Variants in TPST1 observed in about 807,000 individuals in gnomAD.
The protein encoded by TPST1 is protein-tyrosine sulfotransferase 1.
A neutral mutation model predicts 34.8 loss-of-function variants in TPST1; 20 were observed. The observed-to-expected ratio is 0.57, with a 90% CI of 0.40 to 0.84. The LOEUF is 0.84. Among genes scored for constraint, TPST1 ranks in the 40% least tolerant of loss-of-function variants. The probability of loss-of-function intolerance (pLI) is 0.00; values close to 1 mark genes in which losing one functional copy is unlikely to be tolerated. For synonymous variants in TPST1, 152 were observed against 159.4 expected (o/e 0.95, Z 0.35); for missense variants, 353 against 455.5 (o/e 0.78, Z 2.05).
chr7:66,264,523 A>G (rs1283887062), intron 2 of TPST1, among the ~76,000 whole-genome samples: 2 of 152,202 alleles, frequency 1.3e-5, no homozygotes, highest in Non-Finnish European at 2.9e-5. Context: ...TTTGGTTCCA[A>G]GCATTTAAGG....
In TPST1 at chr7:66,318,471, AT is replaced by A. The variant is rs779603624; in HGVS notation, c.1044+31777del. Among the ~76,000 whole-genome samples, 975 of 143,002 alleles carry A rather than the reference AT, an allele frequency of 6.8e-3. 1 individual carries two copies. Among genetic ancestry groups the A allele is most frequent in the East Asian group, 9.7e-3 (48 of 4,948 alleles). The allele number at this position is 143,002 out of a possible 152,430, so 93.8% of individuals were successfully genotyped here. ...TTTTCCCCCAAGTACATTCTTCAGA[AT>A]TTTTTTTTTTTTTTAGACGAAGTCT... On this transcript the variant is annotated intron_variant, in intron 3 of 5. Transcript: ENST00000304842.
intron 3 of TPST1, among the ~76,000 whole-genome samples, chr7:66,322,599 T>A (rs1791779440): frequency 6.6e-6 from 1 of 152,236 alleles, no homozygotes; most frequent in South Asian, 2.1e-4. Context: ...TTTCATTGTA[T>A]GTCTGTACCA....
intron 2 of TPST1, among the ~76,000 whole-genome samples, chr7:66,282,470 A>C (rs1366328680): frequency 6.6e-6 from 1 of 152,212 alleles, no homozygotes; most frequent in Non-Finnish European, 1.5e-5. Flanking sequence ...AGATTGGAGC[A>C]ATAGTTGTCA....
chr7:66,325,108 A>T (rs1284699889), intron 3 of TPST1, among the ~76,000 whole-genome samples: 1 of 152,154 alleles, frequency 6.6e-6, no homozygotes, highest in Non-Finnish European at 1.5e-5. Context: ...GGAAACTTAA[A>T]ATCATAGTAG....
chr7:66,278,271 T>C (rs1399986514), intron 2 of TPST1, among the ~76,000 whole-genome samples: 1 of 152,062 alleles, frequency 6.6e-6, no homozygotes, highest in Non-Finnish European at 1.5e-5. Flanking sequence ...TGAGAGAATG[T>C]AGTTGAAAAA....
At chr7:66,271,015 T>C (rs1323589705) in intron 2 of TPST1, among the ~76,000 whole-genome samples, 1 of 152,234 alleles carries the variant, frequency 6.6e-6, no homozygotes, top group Non-Finnish European at 1.5e-5. Flanking sequence ...GCTTTTCATA[T>C]ACAAAAAGCA....
At chr7:66,259,440 G>A (rs1480626246) in intron 2 of TPST1, among the ~76,000 whole-genome samples, 2 of 152,018 alleles carry the variant, frequency 1.3e-5, no homozygotes, top group East Asian at 3.9e-4. Flanking sequence ...GGATCAGTGA[G>A]TTTTATAGTT....
At position 66,232,201 on chromosome 7, in the gene TPST1, A is replaced by ATT. The variant is rs1319878540; in HGVS notation, c.-101-8104_-101-8103dup. ...TTTATTTTGTTTCTTATTAAAAAAA[A>ATT]TTTTTTTTTTTTTTTTTTTTTGAGA... On this transcript the variant is annotated intron_variant, in intron 1 of 5. Transcript: ENST00000304842. 6.5e-3 allele frequency among the ~76,000 whole-genome samples: 741 copies of ATT among 113,832 alleles called. 10 individuals are homozygous for ATT. Among genetic ancestry groups the ATT allele is most frequent in the East Asian group, 0.034 (131 of 3,844 alleles). 74.7% of individuals were successfully genotyped at this position (113,832 alleles called of 152,430 possible).
chr7:66,352,470 G>A (rs202108010), intron 3 of TPST1, 35 bp from the exon 4 acceptor site: 1 of 1,606,410 alleles, frequency 6.2e-7, no homozygotes, highest in Non-Finnish European at 8.5e-7. Context: ...GACTGGACCT[G>A]TTGCCTTAAA....
intron 1 of TPST1, among the ~76,000 whole-genome samples, chr7:66,215,741 T>C (rs1290730998): frequency 6.6e-6 from 1 of 150,888 alleles, no homozygotes; most frequent in Non-Finnish European, 1.5e-5. Context: ...AATTTACTAG[T>C]GAAGCCATCT....
chr7:66,336,165 C>G (rs1584250296), intron 3 of TPST1, among the ~76,000 whole-genome samples: 1 of 152,096 alleles, frequency 6.6e-6, no homozygotes, highest in Admixed American at 6.6e-5. Context: ...AAAAAATAAG[C>G]AGGGCCTGGT....
chr7:66,350,010 TAGAACAAATG>T (rs2116376862), intron 3 of TPST1, among the ~76,000 whole-genome samples: 1 of 152,138 alleles, frequency 6.6e-6, no homozygotes, highest in East Asian at 1.9e-4. Flanking sequence ...GGTGTCAGGG[TAGAACAAATG>T]ATTCTTTTTT....
At chr7:66,359,749 C>T (rs1584267206) in intron 5 of TPST1, 146 bp from the exon 6 acceptor site, 1 of 393,048 alleles carries the variant, frequency 2.5e-6, no homozygotes, top group East Asian at 7.5e-5. Flanking sequence ...CTGTTCTCAA[C>T]ATCCATCCTC....
chr7:66,204,785 T>C (rs910761829), upstream of TPST1, among the ~76,000 whole-genome samples: 5 of 152,254 alleles, frequency 3.3e-5, no homozygotes, highest in Non-Finnish European at 5.9e-5. Context: ...ATTGCACGTC[T>C]ACACTCTCGT....
At chr7:66,239,891 TG>T (rs1490973103) in intron 1 of TPST1, among the ~76,000 whole-genome samples, 3 of 152,174 alleles carry the variant, frequency 2.0e-5, no homozygotes, top group Admixed American at 6.5e-5. Flanking sequence ...TGTTTTGTTT[TG>T]TTTTTTTGAG....
At chr7:66,267,959 C>A (rs538064359) in intron 2 of TPST1, among the ~76,000 whole-genome samples, 2 of 151,580 alleles carry the variant, frequency 1.3e-5, no homozygotes, top group East Asian at 3.9e-4. Context: ...TCCTTCCTTT[C>A]GTCCTTTTTT....
At chr7:66,229,666 G>A (rs1163177385) in intron 1 of TPST1, among the ~76,000 whole-genome samples, 1 of 152,090 alleles carries the variant, frequency 6.6e-6, no homozygotes. Flanking sequence ...TTGTTGTATG[G>A]TAAGTATATA....
intron 3 of TPST1, among the ~76,000 whole-genome samples, chr7:66,294,764 T>C (rs899815376): frequency 6.6e-6 from 1 of 152,092 alleles, no homozygotes; most frequent in African/African-American, 2.4e-5. Flanking sequence ...TTATTCTTAA[T>C]ATTTTGATGT....
Position 66,286,735 on chromosome 7 carries a change from G to A in TPST1, c.1044+26G>A, listed in dbSNP as rs184575680. The A allele has an allele frequency of 4.2e-4, 601 of 1,442,316 alleles. 4 individuals are homozygous for A. In the African/African-American group the frequency reaches 8.1e-3, roughly 20 times the overall value. The allele number at this position is 1,442,316 out of a possible 1,614,324, so 89.3% of individuals were successfully genotyped here. A position where few individuals can be genotyped will look rare whatever the true frequency, so the allele number is the denominator to read the frequency against. ...GTAAGTGAGATTTTTTAAAGCAACT[G>A]AGAAAACTAGATTTTGAATTTGGGA... On this transcript the variant is annotated intron_variant, in intron 3 of 5. Coordinates refer to ENST00000304842, the MANE Select transcript of TPST1 (RefSeq NM_003596.4).
Sources: allele counts gnomAD v4.1 joint callset (sites outside exome capture counted in the v4.1 genomes callset), GRCh38; gene constraint gnomAD v4.1.1; transcripts MANE v1.5; gene names NCBI Gene and HGNC (gene_info 2026-07-23, HGNC 2026-07-21).